The following SHISA9 variants were observed in gnomAD, a reference collection of about 807,000 sequenced individuals.
SHISA9 encodes shisa family member 9, also known as protein shisa-9.
In SHISA9, 13 loss-of-function variants were observed where a neutral mutation model predicts 38.0. The ratio of observed to expected loss-of-function variants is 0.34; its 90% CI spans 0.22 to 0.54. SHISA9 has a LOEUF of 0.54. SHISA9 is among the 20% of genes least tolerant of loss of function. The probability of loss-of-function intolerance (pLI) is 0.91; values close to 1 mark genes in which losing one functional copy is unlikely to be tolerated. For synonymous variants in SHISA9, 275 were observed against 242.0 expected (o/e 1.14, Z -1.27); for missense variants, 538 against 575.8 (o/e 0.93, Z 0.67).
the SHISA9 span, among the ~76,000 whole-genome samples, chr16:13,344,594 A>G: frequency 6.6e-6 from 1 of 152,196 alleles, no homozygotes; most frequent in Admixed American, 6.5e-5. Context: ...TATTGATAAT[A>G]ATGATAACAG....
At chr16:13,179,395 T>C (rs1046006687) in intron 2 of SHISA9, among the ~76,000 whole-genome samples, 13 of 152,238 alleles carry the variant, frequency 8.5e-5, no homozygotes, top group Non-Finnish European at 1.8e-4. Context: ...TAAACATCTC[T>C]ACATGCCTTA....
At chr16:13,497,731 A>T in the SHISA9 span, among the ~76,000 whole-genome samples, 2 of 151,942 alleles carry the variant, frequency 1.3e-5, no homozygotes, top group South Asian at 4.1e-4. Context: ...GGACAAATTA[A>T]AATTTTAATA....
chr16:13,106,337 G>A (rs199944053), intron 2 of SHISA9, among the ~76,000 whole-genome samples: 1 of 152,136 alleles, frequency 6.6e-6, no homozygotes, highest in East Asian at 1.9e-4. Context: ...CAAATTTGGT[G>A]CAAGTTTAAG....
At chr16:12,993,580 C>T (rs1198455653) in intron 2 of SHISA9, among the ~76,000 whole-genome samples, 1 of 152,146 alleles carries the variant, frequency 6.6e-6, no homozygotes, top group Non-Finnish European at 1.5e-5. Flanking sequence ...GAGCATCTAC[C>T]ATGGGCACTG....
chr16:13,509,022 T>A, the SHISA9 span, among the ~76,000 whole-genome samples: 1 of 152,310 alleles, frequency 6.6e-6, no homozygotes. Flanking sequence ...ATTTCTCATA[T>A]GATTTCCAGG....
At chr16:13,445,945 T>TA in the SHISA9 span, among the ~76,000 whole-genome samples, 1 of 152,034 alleles carries the variant, frequency 6.6e-6, no homozygotes, top group East Asian at 1.9e-4. Context: ...TATTGCCTAG[T>TA]ACTTTTTTTT....
intron 2 of SHISA9, among the ~76,000 whole-genome samples, chr16:13,188,338 G>A (rs1458990438): frequency 1.3e-5 from 2 of 152,126 alleles, no homozygotes; most frequent in Non-Finnish European, 2.9e-5. Flanking sequence ...TTCCTTTCCT[G>A]GGTTAGAATT....
the SHISA9 span, among the ~76,000 whole-genome samples, chr16:13,450,843 A>G: frequency 5.3e-5 from 8 of 152,100 alleles, no homozygotes; most frequent in Admixed American, 3.9e-4. Flanking sequence ...TAGGCTTGAA[A>G]ATTTCTTGAG....
the SHISA9 span, among the ~76,000 whole-genome samples, chr16:13,333,128 C>T: frequency 1.3e-3 from 196 of 152,300 alleles, 4 homozygotes; most frequent in African/African-American, 4.5e-3. Context: ...GCAGCTTTTG[C>T]ACCTTGAATG....
the SHISA9 span, among the ~76,000 whole-genome samples, chr16:13,489,569 A>T: frequency 6.6e-6 from 1 of 152,158 alleles, no homozygotes; most frequent in Admixed American, 6.5e-5. Context: ...TTCTCATGGT[A>T]GTGAATAAGT....
At chr16:13,071,238 C>T (rs184788099) in intron 2 of SHISA9, among the ~76,000 whole-genome samples, 8 of 152,262 alleles carry the variant, frequency 5.3e-5, no homozygotes, top group Non-Finnish European at 7.3e-5. Flanking sequence ...TACGTACAGC[C>T]AGCCTGGTCT....
chr16:13,422,268 G>A, the SHISA9 span, among the ~76,000 whole-genome samples: 1 of 152,206 alleles, frequency 6.6e-6, no homozygotes. Context: ...ATATGTTCCT[G>A]TCCTTGCTAC....
chr16:13,426,977 G>T, the SHISA9 span, among the ~76,000 whole-genome samples: 47 of 152,302 alleles, frequency 3.1e-4, no homozygotes, highest in Non-Finnish European at 5.9e-4. Flanking sequence ...AATCGGAAAG[G>T]TTTATTTCTC....
intron 2 of SHISA9, among the ~76,000 whole-genome samples, chr16:13,061,098 A>T (rs1001380478): frequency 6.6e-6 from 1 of 152,164 alleles, no homozygotes; most frequent in African/African-American, 2.4e-5. Flanking sequence ...GGGCTTGCTT[A>T]TCGCCCTGCC....
chr16:13,078,821 A>T (rs946395604), intron 2 of SHISA9, among the ~76,000 whole-genome samples: 2 of 152,302 alleles, frequency 1.3e-5, no homozygotes, highest in African/African-American at 4.8e-5. Context: ...ATGTCTCCTC[A>T]TTTAATTCTG....
chr16:13,184,736 T>C (rs577449425), intron 2 of SHISA9, among the ~76,000 whole-genome samples: 1 of 152,362 alleles, frequency 6.6e-6, no homozygotes, highest in South Asian at 2.1e-4. Context: ...GTCTGGCTTC[T>C]CTAACTTAGC....
At chr16:13,456,304 A>G in the SHISA9 span, among the ~76,000 whole-genome samples, 5 of 152,184 alleles carry the variant, frequency 3.3e-5, no homozygotes, top group African/African-American at 9.7e-5. Context: ...TAGCCTCTCT[A>G]GCTAGCTAGA....
chr16:13,310,903 C>G, the SHISA9 span, among the ~76,000 whole-genome samples: 1 of 151,936 alleles, frequency 6.6e-6, no homozygotes, highest in African/African-American at 2.4e-5. Context: ...AGGATGGTCT[C>G]AATCTCTTGA....
At chr16:13,495,450 T>A in the SHISA9 span, among the ~76,000 whole-genome samples, 1 of 152,148 alleles carries the variant, frequency 6.6e-6, no homozygotes, top group African/African-American at 2.4e-5. Flanking sequence ...CAATTTCATT[T>A]AAGAACTATA....
Sources: allele counts gnomAD v4.1 joint callset (sites outside exome capture counted in the v4.1 genomes callset), GRCh38; gene constraint gnomAD v4.1.1; transcripts MANE v1.5; gene names NCBI Gene and HGNC (gene_info 2026-07-23, HGNC 2026-07-21).